Variants in TENM2 observed in about 807,000 individuals in gnomAD.
TENM2 encodes the protein teneurin transmembrane protein 2, also known as teneurin-2.
In TENM2, 52 loss-of-function variants were observed where a neutral mutation model predicts 245.2. That is an observed-to-expected ratio of 0.21 (90% CI 0.17 to 0.27). The LOEUF (loss-of-function observed/expected upper bound fraction) is 0.27. TENM2 is among the 10% of genes least tolerant of loss of function. TENM2 has a pLI of 1.00. For synonymous variants in TENM2, 1,363 were observed against 1,438.9 expected, an observed-to-expected ratio of 0.95 and a Z score of 1.19; for missense variants, 3,046 against 3,666.8, an observed-to-expected ratio of 0.83 and a Z score of 4.37.
the TENM2 span, among the ~76,000 whole-genome samples, chr5:167,181,606 G>A: frequency 5.7e-3 from 860 of 151,892 alleles, 9 homozygotes; most frequent in African/African-American, 0.019. Context: ...GGCTCAACAC[G>A]AGTAAAGAAA....
In TENM2 at chr5:167,520,619, G is replaced by T. The variant is rs887462197; in HGVS notation, c.502+145146G>T. On this transcript the variant is annotated intron_variant, in intron 2 of 28. Transcript: ENST00000518659. ...AATAGATTGTTCCTGATACCAAAAG[G>T]TTGAAGAGACTTCTGCAGAATAGAG... is the stretch of plus-strand genomic sequence containing the variant. Among the ~76,000 whole-genome samples, 4 of 152,062 alleles carry T rather than the reference G, an allele frequency of 2.6e-5. No homozygotes were observed. In the East Asian group the frequency reaches 5.8e-4, roughly 22 times the overall value.
chr5:167,950,320 C>T (rs914877619), intron 3 of TENM2, among the ~76,000 whole-genome samples: 1 of 152,156 alleles, frequency 6.6e-6, no homozygotes, highest in Non-Finnish European at 1.5e-5. Flanking sequence ...TCACAAGGGC[C>T]ACACAAGCTG....
intron 2 of TENM2, among the ~76,000 whole-genome samples, chr5:167,728,100 A>T (rs552291293): frequency 2.0e-5 from 3 of 152,168 alleles, no homozygotes; most frequent in Non-Finnish European, 4.4e-5. Flanking sequence ...GGGAACTGGG[A>T]CCAGTCTTAT....
intron 2 of TENM2, among the ~76,000 whole-genome samples, chr5:167,840,571 GAACCTGATAA>G (rs1769413649): frequency 1.3e-5 from 2 of 151,716 alleles, no homozygotes; most frequent in Non-Finnish European, 2.9e-5. Context: ...TGTTAACTGA[GAACCTGATAA>G]ATCAGCAAAC....
chr5:167,443,164 C>A (rs1307369452), intron 2 of TENM2, among the ~76,000 whole-genome samples: 3 of 152,002 alleles, frequency 2.0e-5, no homozygotes. Context: ...ATGTCAATAG[C>A]ACAACTTTTT....
intron 5 of TENM2, among the ~76,000 whole-genome samples, chr5:167,997,089 G>A (rs189146991): frequency 5.3e-5 from 8 of 152,120 alleles, no homozygotes; most frequent in Admixed American, 2.0e-4. Context: ...ATCCCCAGTC[G>A]TCAACCAACA....
intron 3 of TENM2, among the ~76,000 whole-genome samples, chr5:167,933,287 GT>G (rs1297738495): frequency 6.6e-6 from 1 of 152,102 alleles, no homozygotes; most frequent in East Asian, 1.9e-4. Context: ...AAAATTAAAT[GT>G]TTTTTTAAAC....
At chr5:167,172,774 C>CTATT in the TENM2 span, among the ~76,000 whole-genome samples, 5 of 151,782 alleles carry the variant, frequency 3.3e-5, no homozygotes, top group East Asian at 3.9e-4. Context: ...CTATGCTTAG[C>CTATT]TATTTATTTA....
At chr5:167,798,556 T>C (rs1370702956) in intron 2 of TENM2, among the ~76,000 whole-genome samples, 1 of 152,174 alleles carries the variant, frequency 6.6e-6, no homozygotes, top group Non-Finnish European at 1.5e-5. Flanking sequence ...AAGCCCCTTC[T>C]GTGGGTGGCA....
At chr5:167,952,872 T>A in intron 4 of TENM2, 50 bp downstream of exon 6, 1 of 1,468,578 alleles carries the variant, frequency 6.8e-7, no homozygotes, top group Non-Finnish European at 9.3e-7. Context: ...ACCTTACCCC[T>A]GAGTCACCAC....
chr5:167,416,686 T>TTTTTGA (rs1763185918), intron 2 of TENM2, among the ~76,000 whole-genome samples: 1 of 151,918 alleles, frequency 6.6e-6, no homozygotes, highest in Non-Finnish European at 1.5e-5. Flanking sequence ...GCTGTTTTTG[T>TTTTTGA]TTTTGTTTTT....
At chr5:168,210,049 G>T (rs1272053693) in intron 19 of TENM2, among the ~76,000 whole-genome samples, 4 of 152,130 alleles carry the variant, frequency 2.6e-5, no homozygotes, top group Admixed American at 1.3e-4. Context: ...CTCACCTAAA[G>T]AGTCTGTGGT....
chr5:167,101,117 T>C, the TENM2 span, among the ~76,000 whole-genome samples: 5 of 152,246 alleles, frequency 3.3e-5, no homozygotes, highest in East Asian at 3.8e-4. Flanking sequence ...AAGCTTTGAA[T>C]GTCTGTGCTT....
intron 1 of TENM2, among the ~76,000 whole-genome samples, chr5:167,339,508 C>T (rs528934570): frequency 6.7e-4 from 101 of 151,808 alleles, no homozygotes; most frequent in African/African-American, 2.4e-3. Context: ...CTTTCTCATT[C>T]ATTTATTCTT....
the TENM2 span, among the ~76,000 whole-genome samples, chr5:167,135,080 A>G: frequency 6.6e-6 from 1 of 152,204 alleles, no homozygotes; most frequent in Non-Finnish European, 1.5e-5. Context: ...GGGGGAATTT[A>G]GCTAAAACTG....
intron 2 of TENM2, among the ~76,000 whole-genome samples, chr5:167,816,374 T>G (rs1305405257): frequency 6.6e-6 from 1 of 152,190 alleles, no homozygotes; most frequent in African/African-American, 2.4e-5. Context: ...GACCTTACCT[T>G]TAACTTCAGG....
intron 7 of TENM2, among the ~76,000 whole-genome samples, chr5:168,064,344 A>C (rs1790310140): frequency 6.6e-6 from 1 of 152,122 alleles, no homozygotes. Context: ...CTTGCCTCTC[A>C]ACCAGTTGCA....
At chr5:168,086,346 A>C (rs1792455990) in intron 7 of TENM2, among the ~76,000 whole-genome samples, 1 of 152,160 alleles carries the variant, frequency 6.6e-6, no homozygotes. Context: ...AATATTTGCT[A>C]TGGTTTATTT....
chr5:167,813,556 T>C (rs1766805811), intron 2 of TENM2, among the ~76,000 whole-genome samples: 2 of 152,180 alleles, frequency 1.3e-5, no homozygotes, highest in African/African-American at 2.4e-5. Flanking sequence ...GCATTTTTTT[T>C]CCTCTCTCTA....
Sources: allele counts gnomAD v4.1 joint callset (sites outside exome capture counted in the v4.1 genomes callset), GRCh38; gene constraint gnomAD v4.1.1; transcripts MANE v1.5; gene names NCBI Gene and HGNC (gene_info 2026-07-23, HGNC 2026-07-21).